The following SEC14L4 variants were observed in gnomAD, a reference collection of about 807,000 sequenced individuals.
SEC14L4 encodes the protein SEC14 like lipid binding 4.
A neutral mutation model predicts 55.1 loss-of-function variants in SEC14L4; 42 were observed. That is an observed-to-expected ratio of 0.76 (90% confidence interval 0.60 to 0.99). SEC14L4 has a LOEUF of 0.99. Among genes scored for constraint, SEC14L4 ranks in the 50% least tolerant of loss-of-function variants. SEC14L4 has a pLI of 0.00. For synonymous variants in SEC14L4, 206 were observed against 206.8 expected, an observed-to-expected ratio of 1.00 and a Z score of 0.03; for missense variants, 445 against 512.1, an observed-to-expected ratio of 0.87 and a Z score of 1.27.
rs1935980251 is a variant in SEC14L4, at chr22:30,492,081, C to T, written c.739G>A (p.Asp247Asn). 8 of 1,613,902 alleles carry T rather than the reference C, an allele frequency of 5.0e-6. No individual in the cohort carries two copies. Among genetic ancestry groups the T allele is most frequent in the Non-Finnish European group, 6.8e-6 (8 of 1,179,854 alleles). Reference protein sequence around the residue: ...LPVEFGGTMTDPDGNPKCLTK... With the variant: ...LPVEFGGTMTNPDGNPKCLTK... ...AGGCACTTGGGGTTGCCATCGGGGT[C>T]AGTCATGGTCCCCCCAAACTCCACA... The change falls in exon 9 of 12, where the codon GAC becomes AAC. Residue 247 changes from aspartate to asparagine, a missense_variant. Asp to Asn is a conservative substitution (Grantham distance 23). Coordinates refer to ENST00000255858, the MANE Select transcript of SEC14L4 (RefSeq NM_174977.4).
chr22:30,500,097 C>T (rs1298060713), intron 2 of SEC14L4, among the ~76,000 whole-genome samples: 6 of 152,008 alleles, frequency 3.9e-5, no homozygotes, highest in African/African-American at 1.2e-4. Flanking sequence ...CTCGAACTCC[C>T]GACCTCAGGT....
chr22:30,500,230 G>A (rs1190059087), intron 2 of SEC14L4, among the ~76,000 whole-genome samples: 1 of 152,046 alleles, frequency 6.6e-6, no homozygotes, highest in African/African-American at 2.4e-5. Flanking sequence ...GAGTTTTGGG[G>A]GAGGGGAAGT....
At chr22:30,496,121 T>C in intron 2 of SEC14L4, 150 bp from the exon 3 acceptor site, 5 of 654,684 alleles carry the variant, frequency 7.6e-6, no homozygotes, top group Non-Finnish European at 1.3e-5. Context: ...GTTTGTTTGT[T>C]TGTGTGTTTA....
In SEC14L4 at chr22:30,492,575, C is replaced by A. The variant is rs768847143; in HGVS notation, c.581-18G>T. ...TTTTGGGGCTGAAACACATGTAAAT[C>A]TCTTGAGAAGCTGGACCAGAAAGGA... On this transcript the variant is annotated intron_variant, in intron 7 of 11. Coordinates refer to ENST00000255858, the MANE Select transcript of SEC14L4 (RefSeq NM_174977.4). 3 of 1,602,172 alleles carry A rather than the reference C, an allele frequency of 1.9e-6. No individual in the cohort carries two copies. Among genetic ancestry groups the A allele is most frequent in the Non-Finnish European group, 2.6e-6 (3 of 1,169,006 alleles).
chr22:30,503,276 T>A (rs530751535), intron 2 of SEC14L4, among the ~76,000 whole-genome samples: 1 of 151,946 alleles, frequency 6.6e-6, no homozygotes, highest in Non-Finnish European at 1.5e-5. Flanking sequence ...TTGTTTTTTT[T>A]TTTTTGAGAC....
At chr22:30,504,675 AACAG>A (rs1223846823) in intron 1 of SEC14L4, among the ~76,000 whole-genome samples, 3 of 152,222 alleles carry the variant, frequency 2.0e-5, no homozygotes, top group Admixed American at 1.3e-4. Flanking sequence ...GGCAGAGGTC[AACAG>A]ACAGGGGCTG....
At position 30,489,964 on chromosome 22, in the gene SEC14L4, G is replaced by C; in HGVS notation, c.*143C>G. 6.4e-7 allele frequency: 1 copy of C among 1,552,898 alleles called. No individual in the cohort carries two copies. Among genetic ancestry groups the C allele is most frequent in the Non-Finnish European group, 8.7e-7 (1 of 1,147,508 alleles). ...CCTTCCTGCTTGGCCACTGTGCCAG[G>C]TGAGCCTACAATGAGATGAAATGGT... On this transcript the variant is annotated 3_prime_UTR_variant, in exon 12 of 12. Transcript: ENST00000255858.
At chr22:30,495,878 C>T in intron 3 of SEC14L4, 50 bp downstream of exon 3, 1 of 1,599,882 alleles carries the variant, frequency 6.3e-7, no homozygotes, top group Non-Finnish European at 8.5e-7. Flanking sequence ...CAGCAAATCC[C>T]TGGGTCACAG....
intron 7 of SEC14L4, among the ~76,000 whole-genome samples, chr22:30,493,318 C>G (rs1212824935): frequency 6.6e-6 from 1 of 152,164 alleles, no homozygotes; most frequent in Non-Finnish European, 1.5e-5. Context: ...GTCTGTGGGC[C>G]AAGCTCTGTG....
Position 30,489,782 on chromosome 22 carries a change from G to T in SEC14L4, c.*325C>A. The T allele has an allele frequency of 7.3e-7, 1 of 1,379,208 alleles. No homozygotes were observed. The highest frequency in any genetic ancestry group is 1.0e-6 in the Non-Finnish European group (1 of 989,646). The allele number at this position is 1,379,208 out of a possible 1,614,324, so 85.4% of individuals were successfully genotyped here. On this transcript the variant is annotated 3_prime_UTR_variant, in exon 12 of 12. Coordinates refer to ENST00000255858, the MANE Select transcript of SEC14L4 (RefSeq NM_174977.4). ...GGCATGGGTGAGTCCTGGGTGGCTG[G>T]ATCTTGTCAAGATGGGTGAAAGGGC...
In SEC14L4 at chr22:30,492,046, T is replaced by C; in HGVS notation, c.771+3A>G. On this transcript the variant is annotated splice_donor_region_variant and intron_variant, in intron 9 of 11. Coordinates refer to ENST00000255858, the MANE Select transcript of SEC14L4 (RefSeq NM_174977.4). ...CCTTCCCCATCCTCTGGGCACCCTG[T>C]ACCTTGGTCAGGCACTTGGGGTTGC... The C allele has an allele frequency of 6.2e-7, 1 of 1,613,802 alleles. No individual in the cohort carries two copies. Among genetic ancestry groups the C allele is most frequent in the African/African-American group, 1.3e-5 (1 of 75,040 alleles).
Position 30,489,811 on chromosome 22 carries a change from T to G in SEC14L4, c.*296A>C, listed in dbSNP as rs761966618. 68 of 1,508,840 alleles carry G rather than the reference T, an allele frequency of 4.5e-5. No homozygotes were observed. Among genetic ancestry groups the G allele is most frequent in the Non-Finnish European group, 9.9e-6 (11 of 1,107,962 alleles). The allele number at this position is 1,508,840 out of a possible 1,614,324, so 93.5% of individuals were successfully genotyped here. On this transcript the variant is annotated 3_prime_UTR_variant, in exon 12 of 12. Transcript: ENST00000255858. ...TTGTCAAGATGGGTGAAAGGGCAGCTTCTGCAAGCAGGACCCATCCTCAGT... is the reference window on the plus strand; with the variant it reads ...TTGTCAAGATGGGTGAAAGGGCAGCGTCTGCAAGCAGGACCCATCCTCAGT...
intron 1 of SEC14L4, 65 bp from the exon 2 acceptor site, chr22:30,503,817 C>A: frequency 8.0e-7 from 1 of 1,245,170 alleles, no homozygotes; most frequent in South Asian, 1.2e-5. Flanking sequence ...CAACCCCGCC[C>A]CTAACCCTTC....
chr22:30,494,956 G>A lies in SEC14L4; in HGVS notation c.429C>T (p.Gly143=), dbSNP rs749234528. Residue 143 remains glycine (G), a synonymous_variant, in exon 6 of 12, where the codon GGC becomes GGT. Coordinates refer to ENST00000255858, the MANE Select transcript of SEC14L4 (RefSeq NM_174977.4). ...CCATCAGCGCCATCTCGATCTTCCTGCCCAGCTGCTTGGGACAGAGTCATA... is the reference window on the plus strand; with the variant it reads ...CCATCAGCGCCATCTCGATCTTCCTACCCAGCTGCTTGGGACAGAGTCATA... The part of the protein sequence containing the change: ...HECELQTQKL[G]RKIEMALMVF... The A allele has an allele frequency of 1.2e-5, 19 of 1,612,868 alleles. No homozygotes were observed. The highest frequency in any genetic ancestry group is 1.7e-5 in the Admixed American group (1 of 59,932).
intron 1 of SEC14L4, among the ~76,000 whole-genome samples, chr22:30,504,720 A>G (rs935448948): frequency 5.9e-5 from 9 of 152,208 alleles, no homozygotes; most frequent in African/African-American, 2.2e-4. Context: ...TTATCAGGGC[A>G]TCTGTTGCGT....
chr22:30,495,482 C>A, intron 4 of SEC14L4, 40 bp from the exon 5 acceptor site: 1 of 1,607,240 alleles, frequency 6.2e-7, no homozygotes, highest in Admixed American at 1.7e-5. Context: ...TCCAGCTCAC[C>A]AGGCTGGGTC....
intron 2 of SEC14L4, among the ~76,000 whole-genome samples, chr22:30,498,043 G>T (rs1936205481): frequency 6.6e-6 from 1 of 151,752 alleles, no homozygotes. Flanking sequence ...TTGCTGTACA[G>T]GTCTTGTGTG....
intron 1 of SEC14L4, among the ~76,000 whole-genome samples, chr22:30,504,682 A>T (rs1291273669): frequency 6.6e-6 from 1 of 152,200 alleles, no homozygotes. Flanking sequence ...GTCAACAGAC[A>T]GGGGCTGAAA....
chr22:30,492,306 C>G, intron 8 of SEC14L4, 151 bp from the exon 9 acceptor site: 1 of 1,192,962 alleles, frequency 8.4e-7, no homozygotes, highest in Non-Finnish European at 1.2e-6. Flanking sequence ...TATGTGGCTC[C>G]CAGCCCACGG....
Sources: gnomAD v4.1 joint callset for allele counts (sites outside exome capture counted in the v4.1 genomes callset) on GRCh38, gnomAD v4.1.1 for gene constraint, MANE v1.5 for transcripts, NCBI Gene and HGNC (gene_info 2026-07-23, HGNC 2026-07-21) for gene names.